HOOK1: variants seen among roughly 807,000 people sequenced by gnomAD.
HOOK1 encodes the protein hook microtubule tethering protein 1, also known as protein Hook homolog 1.
Under a neutral mutation model 112.8 loss-of-function variants are expected in HOOK1, and 60 were observed. That is an observed-to-expected ratio of 0.53 (90% CI 0.43 to 0.66). The LOEUF is 0.66. HOOK1 is among the 30% of genes least tolerant of loss of function. HOOK1 has a pLI of 0.00. For missense variants in HOOK1, 770 were observed against 856.0 expected, an observed-to-expected ratio of 0.90 and a Z score of 1.25; for synonymous variants, 294 against 283.8, an observed-to-expected ratio of 1.04 and a Z score of -0.36.
chr1:59,827,458 A>G (rs2098390820), intron 2 of HOOK1, among the ~76,000 whole-genome samples: 1 of 152,136 alleles, frequency 6.6e-6, no homozygotes, highest in Non-Finnish European at 1.5e-5. Context: ...ACTTAATCTG[A>G]TATAAAAAGG....
In HOOK1 at chr1:59,848,402, G is replaced by C; in HGVS notation, c.1017G>C (p.Gln339His). 1 of 1,611,184 alleles carries C rather than the reference G, an allele frequency of 6.2e-7. No individual in the cohort carries two copies. The highest frequency in any genetic ancestry group is 1.3e-5 in the African/African-American group (1 of 74,844). Residue 339 changes from glutamine (Q) to histidine (H), a missense_variant, in exon 11 of 22, where the codon CAG becomes CAC. Physicochemically the swap from Gln to His is conservative, Grantham distance 24 (BLOSUM62 0). This residue lies in a region of HOOK1 where 655 missense variants were observed against 725.9 expected (regional missense o/e 0.90). Coordinates refer to ENST00000371208, the MANE Select transcript of HOOK1 (RefSeq NM_015888.6). Reference protein sequence around the residue: ...KLQDLNDLRKQVKTLQETNMM... With the variant: ...KLQDLNDLRKHVKTLQETNMM... Reference sequence around the variant, plus strand: ...AAGATCTGAATGACCTTCGCAAGCAGGTGAAAACTTTACAGGAAACCAACA... The same window carrying C: ...AAGATCTGAATGACCTTCGCAAGCACGTGAAAACTTTACAGGAAACCAACA...
intron 12 of HOOK1, among the ~76,000 whole-genome samples, chr1:59,853,313 T>G (rs1004020946): frequency 7.2e-5 from 11 of 152,080 alleles, no homozygotes; most frequent in Non-Finnish European, 1.6e-4. Context: ...TGTTTGTAAT[T>G]GTTATATCTT....
At chr1:59,815,480 G>A (rs2098380614) in intron 1 of HOOK1, 2 of 433,154 alleles carry the variant, frequency 4.6e-6, no homozygotes, top group African/African-American at 2.1e-5. Flanking sequence ...TATGAACCAA[G>A]CACCCATCCT....
chr1:59,859,016 T>C lies in HOOK1; in HGVS notation c.1362T>C (p.Leu454=). 6.4e-7 allele frequency: 1 copy of C among 1,574,630 alleles called. No homozygotes were observed. Among genetic ancestry groups the C allele is most frequent in the Non-Finnish European group, 8.7e-7 (1 of 1,148,970 alleles). Residue 454 remains leucine, a synonymous_variant, in exon 14 of 22, where the codon CTT becomes CTC. Coordinates refer to ENST00000371208, the MANE Select transcript of HOOK1 (RefSeq NM_015888.6). ...CTGCTACAAAAAGTTATGAGAATCT[T>C]GCTGCTGAGATTATGCCAGTGGAAT... ...DASATKSYEN[L]AAEIMPVEYR...
intron 9 of HOOK1, among the ~76,000 whole-genome samples, chr1:59,846,101 T>C (rs2098403625): frequency 6.6e-6 from 1 of 151,884 alleles, no homozygotes; most frequent in Admixed American, 6.6e-5. Flanking sequence ...TATTTTTCAG[T>C]GTATATGTTT....
chr1:59,869,171 C>T (rs1644015156), intron 20 of HOOK1, among the ~76,000 whole-genome samples: 1 of 151,810 alleles, frequency 6.6e-6, no homozygotes, highest in Non-Finnish European at 1.5e-5. Context: ...CCTTGAAATT[C>T]TCATAAATGG....
intron 3 of HOOK1, among the ~76,000 whole-genome samples, chr1:59,830,900 G>GTTTT (rs748434935): frequency 7.3e-6 from 1 of 137,838 alleles, no homozygotes; most frequent in East Asian, 2.1e-4. Context: ...TTTTTTTTAA[G>GTTTT]TTTTTTTTTT....
intron 11 of HOOK1, 99 bp downstream of exon 11, chr1:59,848,615 G>C: frequency 1.3e-6 from 1 of 771,792 alleles, no homozygotes; most frequent in South Asian, 1.8e-5. Context: ...GAGAAGCGTT[G>C]CATGTAATAA....
intron 16 of HOOK1, 124 bp downstream of exon 16, chr1:59,863,001 G>A (rs1377431403): frequency 2.8e-5 from 15 of 541,160 alleles, no homozygotes; most frequent in Non-Finnish European, 3.7e-5. Flanking sequence ...CTTAAATACC[G>A]TATATATCTG....
intron 12 of HOOK1, among the ~76,000 whole-genome samples, chr1:59,852,406 T>G (rs2098407626): frequency 6.6e-6 from 1 of 151,816 alleles, no homozygotes; most frequent in Non-Finnish European, 1.5e-5. Context: ...TCAATTTAAT[T>G]TATCTAATTT....
At chr1:59,830,170 T>C (rs1391346434) in intron 3 of HOOK1, among the ~76,000 whole-genome samples, 1 of 152,110 alleles carries the variant, frequency 6.6e-6, no homozygotes, top group Non-Finnish European at 1.5e-5. Flanking sequence ...GCATGCATTC[T>C]ACAGTTGTTA....
intron 12 of HOOK1, among the ~76,000 whole-genome samples, chr1:59,854,025 TATA>T: frequency 3.6e-5 from 1 of 27,770 alleles, no homozygotes; most frequent in African/African-American, 1.6e-4. Flanking sequence ...TATATATATA[TATA>T]TATATATATA....
chr1:59,872,142 T>C (rs913689260), intron 21 of HOOK1, among the ~76,000 whole-genome samples: 10 of 152,238 alleles, frequency 6.6e-5, no homozygotes, highest in African/African-American at 2.4e-4. Flanking sequence ...TTACTAGTGA[T>C]GCTAAGTTCA....
intron 9 of HOOK1, 134 bp downstream of exon 9, chr1:59,843,732 A>G (rs2102036392): frequency 1.5e-6 from 1 of 658,650 alleles, no homozygotes; most frequent in African/African-American, 1.9e-5. Flanking sequence ...TGAAAATACC[A>G]GATGGTATAA....
At position 59,874,016 on chromosome 1, in the gene HOOK1, GGTGT is replaced by G. The variant is rs1644096911; in HGVS notation, c.*1052_*1055del. 6.6e-6 allele frequency: 1 copy of G among 151,700 alleles called. No individual in the cohort carries two copies. Among genetic ancestry groups the G allele is most frequent in the Admixed American group, 6.6e-5 (1 of 15,232 alleles). 9.4% of individuals were successfully genotyped at this position (151,700 alleles called of 1,614,324 possible). On this transcript the variant is annotated 3_prime_UTR_variant, in exon 22 of 22. Transcript: ENST00000371208. ...TCTGCCCAAAGCTCTTATTTTCAGA[GGTGT>G]TACTTTTGAACTTTTGGGGTCATTT...
intron 7 of HOOK1, among the ~76,000 whole-genome samples, chr1:59,839,942 G>A (rs1344690676): frequency 6.6e-6 from 1 of 152,176 alleles, no homozygotes; most frequent in African/African-American, 2.4e-5. Context: ...CATCTATTGA[G>A]ATAATCATGT....
intron 16 of HOOK1, 103 bp from the exon 17 acceptor site, chr1:59,864,529 T>G (rs1167089632): frequency 7.2e-6 from 5 of 698,222 alleles, no homozygotes; most frequent in Non-Finnish European, 1.3e-5. Context: ...ATTTATAATT[T>G]TGCCTGGTAC....
Position 59,876,129 on chromosome 1 carries a change from A to C in HOOK1, c.*3164A>C. On this transcript the variant is annotated 3_prime_UTR_variant, in exon 22 of 22. Transcript: ENST00000371208. ...GTACATTGTGAAGAAGTAGTTTGGA[A>C]ATTTGTAAAGCACAAACCATAAAAG... The C allele has an allele frequency of 6.6e-6, 1 of 152,652 alleles. No homozygotes were observed. Among genetic ancestry groups the C allele is most frequent in the East Asian group, 1.9e-4 (1 of 5,198 alleles). 9.5% of individuals were successfully genotyped at this position (152,652 alleles called of 1,614,324 possible).
Position 59,872,866 on chromosome 1 carries a change from T to G in HOOK1, c.2088T>G (p.Gly696=), listed in dbSNP as rs768228418. ...VSGGGACSDT[G]ACTPARSFLA... is the part of the protein sequence containing the mutation. The stretch of plus-strand genomic sequence containing the variant: ...GCGGTGGTGCCTGCAGTGACACTGG[T>G]GCGTGCACTCCTGCGCGGTCTTTCT... The change falls in exon 22 of 22, where the codon GGT becomes GGG. Residue 696 remains glycine (G), a synonymous_variant. Coordinates refer to ENST00000371208, the MANE Select transcript of HOOK1 (RefSeq NM_015888.6). The G allele has an allele frequency of 1.7e-5, 25 of 1,510,948 alleles. No homozygotes were observed. The Middle Eastern group carries it at 1.5e-3, about 93-fold the overall frequency. 93.6% of individuals were successfully genotyped at this position (1,510,948 alleles called of 1,614,324 possible). A position where few individuals can be genotyped will look rare whatever the true frequency, so the allele number is the denominator to read the frequency against.
Sources: gnomAD v4.1 joint callset for allele counts (sites outside exome capture counted in the v4.1 genomes callset) on GRCh38, gnomAD v4.1.1 for gene constraint, gnomAD v4.1.1 regional missense constraint, MANE v1.5 for transcripts, NCBI Gene and HGNC (gene_info 2026-07-23, HGNC 2026-07-21) for gene names.